VPS13D: variants seen among roughly 807,000 people sequenced by gnomAD.
The protein encoded by VPS13D is intermembrane lipid transfer protein VPS13D.
A neutral mutation model predicts 461.9 loss-of-function variants in VPS13D; 187 were observed. The ratio of observed to expected loss-of-function variants is 0.40; its 90% CI spans 0.36 to 0.46. VPS13D has a LOEUF of 0.46. Ranked by LOEUF, VPS13D falls within the 20% of genes least tolerant of loss-of-function variation. The pLI is 0.60. For synonymous variants in VPS13D, 1,951 were observed against 1,986.3 expected (o/e 0.98, Z 0.47); for missense variants, 4,711 against 5,364.9 (o/e 0.88, Z 3.81).
chr1:12,470,532 C>T lies in VPS13D; in HGVS notation c.12662+10136C>T, dbSNP rs1409312886. The stretch of plus-strand genomic sequence containing the variant: ...AATTCTGACCTTGGGATATTCAGAT[C>T]CATCACTTAGTATGTACAGGCAAAT... On this transcript the variant is annotated intron_variant, in intron 67 of 69. Coordinates refer to ENST00000620676, the MANE Select transcript of VPS13D (RefSeq NM_015378.4). 2.0e-5 allele frequency among the ~76,000 whole-genome samples: 3 copies of T among 152,196 alleles called. No individual in the cohort carries two copies. In the East Asian group the frequency reaches 5.8e-4, roughly 29 times the overall value.
chr1:12,382,501 T>G (rs1262130410), intron 57 of VPS13D, among the ~76,000 whole-genome samples: 1 of 152,202 alleles, frequency 6.6e-6, no homozygotes, highest in African/African-American at 2.4e-5. Context: ...GTATTTGGAT[T>G]GGTTGTCCAG....
intron 40 of VPS13D, among the ~76,000 whole-genome samples, chr1:12,338,941 T>G (rs1035672095): frequency 2.6e-5 from 4 of 152,204 alleles, no homozygotes; most frequent in African/African-American, 9.7e-5. Flanking sequence ...TGTTCAGTTT[T>G]TGTTTTAGGG....
At chr1:12,420,426 T>A (rs1282440221) in intron 65 of VPS13D, among the ~76,000 whole-genome samples, 2 of 152,198 alleles carry the variant, frequency 1.3e-5, no homozygotes, top group Non-Finnish European at 2.9e-5. Context: ...TAAAAAAGGG[T>A]CAGAGGGGAC....
At chr1:12,331,048 A>G (rs1490604033) in intron 37 of VPS13D, among the ~76,000 whole-genome samples, 1 of 152,238 alleles carries the variant, frequency 6.6e-6, no homozygotes, top group Non-Finnish European at 1.5e-5. Context: ...AAACCTCAAT[A>G]ATATCGCAAG....
chr1:12,351,645 G>A (rs552993350), intron 46 of VPS13D, among the ~76,000 whole-genome samples: 1 of 150,482 alleles, frequency 6.6e-6, no homozygotes, highest in Non-Finnish European at 1.5e-5. Context: ...AGGCTGCAGT[G>A]CAATGGTGTG....
In VPS13D at chr1:12,237,786, C is replaced by T. The variant is rs756921392; in HGVS notation, c.97+3423C>T. On this transcript the variant is annotated intron_variant, in intron 2 of 69. Transcript: ENST00000620676. Reference sequence around the variant, plus strand: ...AGGCTGCATTGAGCTATGTTCTTGTCACTGCACTGTAGCCTGGGCAACAGA... The same window carrying T: ...AGGCTGCATTGAGCTATGTTCTTGTTACTGCACTGTAGCCTGGGCAACAGA... Among the ~76,000 whole-genome samples, 7 of 152,180 alleles carry T rather than the reference C, an allele frequency of 4.6e-5. No individual in the cohort carries two copies. In the East Asian group the frequency reaches 5.8e-4, roughly 13 times the overall value.
At chr1:12,303,557 T>TA (rs904212801) in intron 25 of VPS13D, among the ~76,000 whole-genome samples, 1 of 151,990 alleles carries the variant, frequency 6.6e-6, no homozygotes, top group Admixed American at 6.6e-5. Context: ...TGCAAAAAAA[T>TA]AAAAAAATTG....
rs372327671 is a variant in VPS13D at position 12,323,800 on chromosome 1, G to A, written c.7990+20G>A. ...GTCAAGGTAATTTGAACAGGGTTCT[G>A]TTACCCGTTGTTTATCTTGATGATA... is the stretch of plus-strand genomic sequence containing the variant. On this transcript the variant is annotated intron_variant, in intron 35 of 69. Coordinates refer to ENST00000620676, the MANE Select transcript of VPS13D (RefSeq NM_015378.4). The A allele has an allele frequency of 1.2e-6, 2 of 1,610,818 alleles. No homozygotes were observed. Among genetic ancestry groups the A allele is most frequent in the East Asian group, 2.2e-5 (1 of 44,848 alleles).
intron 35 of VPS13D, among the ~76,000 whole-genome samples, chr1:12,326,067 T>G (rs1450062947): frequency 6.6e-6 from 1 of 151,578 alleles, no homozygotes; most frequent in Non-Finnish European, 1.5e-5. Context: ...TCTGGGTTAT[T>G]CCAGCCAATT....
intron 26 of VPS13D, among the ~76,000 whole-genome samples, chr1:12,307,304 T>C (rs1278751192): frequency 6.6e-6 from 1 of 151,982 alleles, no homozygotes; most frequent in Non-Finnish European, 1.5e-5. Flanking sequence ...TGAATTTAGA[T>C]GAGAGGGGCG....
At chr1:12,320,655 A>T (rs961101768) in intron 32 of VPS13D, among the ~76,000 whole-genome samples, 1 of 152,196 alleles carries the variant, frequency 6.6e-6, no homozygotes. Context: ...ATTGCAATTC[A>T]TCTGCCTTCC....
chr1:12,336,110 G>A (rs1014882869), intron 39 of VPS13D: 2 of 317,968 alleles, frequency 6.3e-6, no homozygotes, highest in Non-Finnish European at 1.2e-5. Flanking sequence ...GTGCACCTGA[G>A]AATGCATCAG....
At chr1:12,460,734 A>G (rs987119228) in intron 67 of VPS13D, among the ~76,000 whole-genome samples, 1 of 152,102 alleles carries the variant, frequency 6.6e-6, no homozygotes, top group Non-Finnish European at 1.5e-5. Context: ...TTAAACTGTT[A>G]GAAGCTTCTT....
In VPS13D at chr1:12,386,137, G is replaced by A. The variant is rs758122658; in HGVS notation, c.11485-48G>A. ...TTTCTTATACTCTCCTGGATACTGT[G>A]AGCTGTGTTTAAAACAATCAGGGTG... On this transcript the variant is annotated intron_variant, in intron 59 of 69. Coordinates refer to ENST00000620676, the MANE Select transcript of VPS13D (RefSeq NM_015378.4). 18 of 1,572,754 alleles carry A rather than the reference G, an allele frequency of 1.1e-5. 1 individual carries two copies. In the Admixed American group the frequency reaches 2.8e-4, roughly 24 times the overall value.
intron 37 of VPS13D, among the ~76,000 whole-genome samples, chr1:12,331,035 C>T (rs555341203): frequency 4.6e-5 from 7 of 152,284 alleles, no homozygotes; most frequent in African/African-American, 1.7e-4. Flanking sequence ...TTTTGGGAGA[C>T]GTAAACCTCA....
At chr1:12,375,818 C>T (rs549849061) in intron 55 of VPS13D, among the ~76,000 whole-genome samples, 66 of 152,318 alleles carry the variant, frequency 4.3e-4, no homozygotes, top group Non-Finnish European at 8.1e-4. Flanking sequence ...GTTCCACATG[C>T]GCTTTAACAA....
chr1:12,353,487 C>T (rs571344946), intron 46 of VPS13D, among the ~76,000 whole-genome samples: 2 of 147,210 alleles, frequency 1.4e-5, no homozygotes, highest in South Asian at 4.4e-4. Context: ...GAGCCGAGAC[C>T]GCTCCACTGC....
In VPS13D at chr1:12,339,118, A is replaced by G. The variant is rs536372041; in HGVS notation, c.8626+813A>G. The stretch of plus-strand genomic sequence containing the variant: ...GCCCTGGGTTTTTTTTTTCTGGACA[A>G]TTTTACCAGGGTGGATGTTTGAGGG... On this transcript the variant is annotated intron_variant, in intron 40 of 69. Coordinates refer to ENST00000620676, the MANE Select transcript of VPS13D (RefSeq NM_015378.4). Among the ~76,000 whole-genome samples the G allele has an allele frequency of 1.6e-3, 249 of 152,064 alleles. 1 individual carries two copies. Among genetic ancestry groups the G allele is most frequent in the African/African-American group, 5.5e-3 (228 of 41,488 alleles).
Position 12,416,712 on chromosome 1 carries a change from A to G in VPS13D, c.12218A>G (p.Asn4073Ser). 2 of 1,614,008 alleles carry G rather than the reference A, an allele frequency of 1.2e-6. No individual in the cohort carries two copies. The highest frequency in any genetic ancestry group is 1.7e-6 in the Non-Finnish European group (2 of 1,179,970). ...CTGGGATCAGTGGATTTTCTTGGCA[A>G]TCCTATGGGGCTTTTGAATGATGTT... ...RILGSVDFLGNPMGLLNDVSE... is the reference protein window; with the variant it reads ...RILGSVDFLGSPMGLLNDVSE... The change falls in exon 65 of 70, where the codon AAT becomes AGT. Residue 4073 changes from asparagine to serine, a missense_variant. Transcript: ENST00000620676.
Sources: allele counts gnomAD v4.1 joint callset (sites outside exome capture counted in the v4.1 genomes callset), GRCh38; gene constraint gnomAD v4.1.1; transcripts MANE v1.5; gene names NCBI Gene and HGNC (gene_info 2026-07-23, HGNC 2026-07-21).